Variants in DCAF6 observed in about 807,000 individuals in gnomAD.
The protein encoded by DCAF6 is DDB1- and CUL4-associated factor 6.
DCAF6 carries 54 observed loss-of-function variants against 125.1 expected under a neutral mutation model. The observed-to-expected ratio is 0.43, with a 90% CI of 0.35 to 0.54. The LOEUF (loss-of-function observed/expected upper bound fraction) is 0.54, where lower values mean the gene tolerates loss of function less well. Among genes scored for constraint, DCAF6 ranks in the 20% least tolerant of loss-of-function variants. The pLI, the probability that DCAF6 is intolerant of heterozygous loss-of-function variation, is 0.01. For missense variants in DCAF6, 934 were observed against 1,161.7 expected (o/e 0.80, Z 2.85); for synonymous variants, 371 against 390.4 (o/e 0.95, Z 0.58).
chr1:167,985,923 A>C lies in DCAF6; in HGVS notation c.439-1572A>C, dbSNP rs373273815. On this transcript the variant is annotated intron_variant, in intron 4 of 21. Coordinates refer to ENST00000367840, the MANE Select transcript of DCAF6 (RefSeq NM_001198956.2). ...CTGCTTTCTAGGCTCTTAAAAGTAC[A>C]GGTTAGTTTGGGCCTTTTTACGATT... Among the ~76,000 whole-genome samples the C allele has an allele frequency of 7.7e-4, 117 of 152,280 alleles. 1 individual carries two copies. The South Asian group carries it at 0.023, about 29-fold the overall frequency.
chr1:167,931,214 G>C (rs1182426772), upstream of DCAF6, among the ~76,000 whole-genome samples: 1 of 152,188 alleles, frequency 6.6e-6, no homozygotes, highest in Non-Finnish European at 1.5e-5. Flanking sequence ...TTACAGGTGT[G>C]AGCTACCGCG....
chr1:168,036,306 A>T (rs765137150), intron 12 of DCAF6, among the ~76,000 whole-genome samples: 2 of 152,218 alleles, frequency 1.3e-5, no homozygotes, highest in Non-Finnish European at 2.9e-5. Context: ...TATCATTTAA[A>T]TTCCACAAGG....
chr1:168,042,764 A>G, intron 13 of DCAF6: 1 of 287,788 alleles, frequency 3.5e-6, no homozygotes, highest in Non-Finnish European at 6.5e-6. Context: ...ACATGTAGAA[A>G]TACATACTAG....
chr1:167,991,459 A>G (rs1418615628), intron 6 of DCAF6, 120 bp downstream of exon 6: 3 of 933,980 alleles, frequency 3.2e-6, no homozygotes, highest in Admixed American at 7.1e-5. Flanking sequence ...TATTTGTTTA[A>G]TATGGATTAT....
At chr1:167,885,346 C>T in the DCAF6 span, among the ~76,000 whole-genome samples, 5 of 152,080 alleles carry the variant, frequency 3.3e-5, no homozygotes, top group East Asian at 7.7e-4. Context: ...CTATTTTTAG[C>T]TTTTTGAGGA....
chr1:167,994,904 C>T (rs931867103), intron 7 of DCAF6, among the ~76,000 whole-genome samples: 3 of 151,966 alleles, frequency 2.0e-5, no homozygotes, highest in Non-Finnish European at 4.4e-5. Flanking sequence ...GGAATTCCTA[C>T]GAGATACAAA....
rs1395199541 is a variant in DCAF6 at position 168,004,006 on chromosome 1, A to G, written c.1117+17A>G. 1 of 1,605,676 alleles carries G rather than the reference A, an allele frequency of 6.2e-7. No individual in the cohort carries two copies. The highest frequency in any genetic ancestry group is 8.5e-7 in the Non-Finnish European group (1 of 1,176,212). On this transcript the variant is annotated intron_variant, in intron 9 of 21. Coordinates refer to ENST00000367840, the MANE Select transcript of DCAF6 (RefSeq NM_001198956.2). ...GACCCAGAGGTAATTTTTAATGTTA[A>G]TTAAAGTCATCAGAAAGCTGGCAAA...
chr1:167,884,759 G>A, the DCAF6 span, among the ~76,000 whole-genome samples: 15 of 148,802 alleles, frequency 1.0e-4, no homozygotes, highest in Admixed American at 8.8e-4. Flanking sequence ...GTGCAGTGGC[G>A]CGATCTCGGC....
chr1:167,886,420 C>T, the DCAF6 span, among the ~76,000 whole-genome samples: 66 of 152,238 alleles, frequency 4.3e-4, 1 homozygote, highest in South Asian at 0.012. Flanking sequence ...TGATCTTTGA[C>T]AAACCTGAAA....
intron 12 of DCAF6, among the ~76,000 whole-genome samples, chr1:168,027,228 A>G (rs186139309): frequency 3.2e-4 from 48 of 152,218 alleles, no homozygotes; most frequent in African/African-American, 1.1e-3. Context: ...AGACTTTGTT[A>G]TGTCTCTTTT....
intron 4 of DCAF6, among the ~76,000 whole-genome samples, chr1:167,984,224 A>G (rs1679613872): frequency 6.6e-6 from 1 of 152,190 alleles, no homozygotes; most frequent in South Asian, 2.1e-4. Flanking sequence ...ATATTTTCAG[A>G]GGTCTTATTC....
intron 17 of DCAF6, 110 bp downstream of exon 17, chr1:168,051,043 T>TA (rs57170545): frequency 0.012 from 5,698 of 490,646 alleles, 267 homozygotes; most frequent in African/African-American, 0.1. Flanking sequence ...CCTTTGGACT[T>TA]ACTGAATTCT....
At chr1:167,941,550 C>G (rs1015062916) in intron 1 of DCAF6, among the ~76,000 whole-genome samples, 1 of 152,078 alleles carries the variant, frequency 6.6e-6, no homozygotes, top group African/African-American at 2.4e-5. Flanking sequence ...ATAAACCTTA[C>G]TAGATGGGAT....
intron 6 of DCAF6, 120 bp downstream of exon 6, chr1:167,991,459 ATATGGAT>A (rs2103009360): frequency 2.1e-6 from 2 of 934,098 alleles, no homozygotes; most frequent in Non-Finnish European, 3.0e-6. Flanking sequence ...TATTTGTTTA[ATATGGAT>A]TATTATAAAA....
chr1:167,980,916 C>CTTTTTTTTT (rs71100920), intron 4 of DCAF6, among the ~76,000 whole-genome samples: 3 of 113,564 alleles, frequency 2.6e-5, no homozygotes, highest in Non-Finnish European at 3.6e-5. Context: ...TCTGAATTTT[C>CTTTTTTTTT]TTTTTTTTTT....
chr1:167,937,348 CT>C, intron 1 of DCAF6: 1 of 276,754 alleles, frequency 3.6e-6, no homozygotes. Flanking sequence ...CAAAAGTTAG[CT>C]CTTTTGCTCT....
intron 7 of DCAF6, among the ~76,000 whole-genome samples, chr1:168,001,749 T>TA (rs1682670665): frequency 6.6e-6 from 1 of 152,108 alleles, no homozygotes. Context: ...TCAAGCAAGA[T>TA]ACTCAAGGAG....
At chr1:167,977,320 T>C (rs917402245) in intron 4 of DCAF6, among the ~76,000 whole-genome samples, 2 of 151,500 alleles carry the variant, frequency 1.3e-5, no homozygotes, top group Admixed American at 1.3e-4. Flanking sequence ...TTGTGAAAAA[T>C]GTCTTTTTTT....
the DCAF6 span, among the ~76,000 whole-genome samples, chr1:167,910,053 A>C: frequency 6.6e-6 from 1 of 152,292 alleles, no homozygotes; most frequent in African/African-American, 2.4e-5. Flanking sequence ...AGCCCTTAAA[A>C]GGGCCAGGAA....
Sources: gnomAD v4.1 joint callset for allele counts (sites outside exome capture counted in the v4.1 genomes callset) on GRCh38, gnomAD v4.1.1 for gene constraint, MANE v1.5 for transcripts, NCBI Gene and HGNC (gene_info 2026-07-23, HGNC 2026-07-21) for gene names.